Variants in UGT2B11 observed in about 807,000 individuals in gnomAD.
UGT2B11 encodes the protein UDP glucuronosyltransferase family 2 member B11, also known as UDP-glucuronosyltransferase 2B11.
UGT2B11 carries 49 observed loss-of-function variants against 51.7 expected under a neutral mutation model. The ratio of observed to expected loss-of-function variants is 0.95; its 90% CI spans 0.75 to 1.20. UGT2B11 has a LOEUF of 1.20. Ranked by LOEUF, UGT2B11 falls within the 50% of genes most tolerant of loss-of-function variation. The pLI, the probability that UGT2B11 is intolerant of heterozygous loss-of-function variation, is 0.00. For missense variants in UGT2B11, 810 were observed against 622.1 expected (o/e 1.30, Z -3.21); for synonymous variants, 273 against 209.0 (o/e 1.31, Z -2.64).
At position 69,204,460 on chromosome 4, in the gene UGT2B11, T is replaced by C; in HGVS notation, c.1280A>G (p.Asn427Ser). 2 of 1,611,994 alleles carry C rather than the reference T, an allele frequency of 1.2e-6. No individual in the cohort carries two copies. Among genetic ancestry groups the C allele is most frequent in the Non-Finnish European group, 1.7e-6 (2 of 1,178,610 alleles). Reference protein sequence around the residue: ...FNTMSSTDLLNALKTVINDPL... With the variant: ...FNTMSSTDLLSALKTVINDPL... ...ATCATTAATTACTGTCTTCAGTGCA[T>C]TCAGCAGGTCTGTACTCGACATTGT... Residue 427 changes from asparagine to serine, a missense_variant, in exon 5 of 6, where the codon AAT becomes AGT. Asn to Ser is a conservative substitution (Grantham distance 46). Coordinates refer to ENST00000446444, the MANE Select transcript of UGT2B11 (RefSeq NM_001073.3).
chr4:69,208,122 A>G lies in UGT2B11; in HGVS notation c.1002+229T>C, dbSNP rs1239800443. Among the ~76,000 whole-genome samples the G allele has an allele frequency of 5.9e-5, 9 of 151,590 alleles. 1 individual carries two copies. Among genetic ancestry groups the G allele is most frequent in the Admixed American group, 2.0e-4 (3 of 15,164 alleles). ...GAGTACTGAGTTCCCACTGATACTAATAGGAGCCACTCATGAATACCAAGG... is the reference window on the plus strand; with the variant it reads ...GAGTACTGAGTTCCCACTGATACTAGTAGGAGCCACTCATGAATACCAAGG... On this transcript the variant is annotated intron_variant, in intron 3 of 5. Transcript: ENST00000446444.
chr4:69,205,160 A>C (rs1721801840), intron 4 of UGT2B11, among the ~76,000 whole-genome samples: 1 of 151,708 alleles, frequency 6.6e-6, no homozygotes, highest in African/African-American at 2.4e-5. Flanking sequence ...GGCATTTGAA[A>C]TAATCCTGCA....
At chr4:69,216,454 G>T (rs1351438024), upstream of UGT2B11, 1 of 151,758 alleles carries the variant, frequency 6.6e-6, no homozygotes, top group Non-Finnish European at 1.5e-5. Context: ...GAATCAATGA[G>T]GATGGAAGCT....
In UGT2B11 at chr4:69,212,577, G is replaced by C; in HGVS notation, c.866C>G (p.Pro289Arg). 1 of 1,607,184 alleles carries C rather than the reference G, an allele frequency of 6.2e-7. No homozygotes were observed. The highest frequency in any genetic ancestry group is 1.1e-5 in the South Asian group (1 of 90,102). ...GFHCKPAKPL[P>R]KEMEEFVQSS... ...AACCAACAAAAGTATGTTTACCTTAGGTAGGGGTTTGGCAGGTTTGCAGTG... is the reference window on the plus strand; with the variant it reads ...AACCAACAAAAGTATGTTTACCTTACGTAGGGGTTTGGCAGGTTTGCAGTG... Residue 289 changes from proline (P) to arginine (R), a missense_variant, in exon 2 of 6, where the codon CCT (proline) becomes CGT (arginine). Coordinates refer to ENST00000446444, the MANE Select transcript of UGT2B11 (RefSeq NM_001073.3).
chr4:69,205,422 A>G, intron 4 of UGT2B11, 58 bp downstream of exon 4: 1 of 1,573,500 alleles, frequency 6.4e-7, no homozygotes, highest in Non-Finnish European at 8.7e-7. Flanking sequence ...AGCATGTTTC[A>G]TTAACCCTCT....
the UGT2B11 span, among the ~76,000 whole-genome samples, chr4:69,223,258 T>C: frequency 6.6e-6 from 1 of 152,108 alleles, no homozygotes; most frequent in East Asian, 1.9e-4. Flanking sequence ...ATTCAGGATA[T>C]ATCTTAAGGG....
Position 69,200,503 on chromosome 4 carries a change from T to C in UGT2B11, c.1527A>G (p.Thr509=), listed in dbSNP as rs142443656. The C allele has an allele frequency of 3.0e-5, 49 of 1,612,164 alleles. No individual in the cohort carries two copies. The African/African-American group carries it at 6.1e-4, about 20-fold the overall frequency. ...ACVATVIFII[T]KFCLFCFWKF... is the part of the protein sequence containing the mutation. The stretch of plus-strand genomic sequence containing the variant: ...TCCAGAAACAAAACAGACAAAACTT[T>C]GTGATGATAAATATCACAGTTGCCA... Residue 509 remains threonine, a synonymous_variant, in exon 6 of 6, where the codon ACA becomes ACG. Coordinates refer to ENST00000446444, the MANE Select transcript of UGT2B11 (RefSeq NM_001073.3).
chr4:69,223,932 A>T, the UGT2B11 span, among the ~76,000 whole-genome samples: 7 of 152,200 alleles, frequency 4.6e-5, no homozygotes, highest in Non-Finnish European at 8.8e-5. Flanking sequence ...CAAGGGGGAA[A>T]GTCTATCTGG....
At position 69,213,027 on chromosome 4, in the gene UGT2B11, C is replaced by T. The variant is rs1201146146; in HGVS notation, c.722-306G>A. ...ACATCAATTTATTTTCTCTTTAAAG[C>T]TTCAATAGTTGCATATAGATATTTA... On this transcript the variant is annotated intron_variant, in intron 1 of 5. Transcript: ENST00000446444. Among the ~76,000 whole-genome samples the T allele has an allele frequency of 2.0e-5, 3 of 151,320 alleles. No individual in the cohort carries two copies. The East Asian group carries it at 5.8e-4, about 29-fold the overall frequency.
intron 3 of UGT2B11, among the ~76,000 whole-genome samples, chr4:69,207,142 A>T (rs1460497351): frequency 1.3e-5 from 2 of 151,670 alleles, no homozygotes; most frequent in African/African-American, 4.8e-5. Context: ...TAAACTCAAA[A>T]TTGTACTTTG....
chr4:69,203,190 A>G (rs1284370393), intron 5 of UGT2B11, among the ~76,000 whole-genome samples: 1 of 151,752 alleles, frequency 6.6e-6, no homozygotes, highest in East Asian at 2.0e-4. Flanking sequence ...AAAGTTAAAA[A>G]TGTTCCAAGC....
At chr4:69,224,220 C>A in the UGT2B11 span, among the ~76,000 whole-genome samples, 6 of 152,206 alleles carry the variant, frequency 3.9e-5, no homozygotes, top group Admixed American at 3.3e-4. Flanking sequence ...GTCTGGCCGG[C>A]GGACATTAGG....
intron 3 of UGT2B11, among the ~76,000 whole-genome samples, chr4:69,208,092 C>A (rs1017266057): frequency 5.3e-5 from 8 of 151,524 alleles, no homozygotes; most frequent in East Asian, 2.0e-4. Flanking sequence ...TTGTGGATAC[C>A]TACGGAGTAC....
At chr4:69,220,881 G>T in the UGT2B11 span, among the ~76,000 whole-genome samples, 4 of 152,100 alleles carry the variant, frequency 2.6e-5, no homozygotes, top group Non-Finnish European at 4.4e-5. Context: ...CACAGTTAGA[G>T]AATTAAGCTG....
the UGT2B11 span, among the ~76,000 whole-genome samples, chr4:69,223,100 G>T: frequency 6.6e-6 from 1 of 152,180 alleles, no homozygotes; most frequent in Non-Finnish European, 1.5e-5. Context: ...TTACAGAAAA[G>T]ATCTAGTTGT....
In UGT2B11 at chr4:69,212,655, C is replaced by A. The variant is rs746812116; in HGVS notation, c.788G>T (p.Ser263Ile). Residue 263 changes from serine (S) to isoleucine (I), a missense_variant, in exon 2 of 6, where the codon AGT (serine) becomes ATT (isoleucine). By Grantham distance (142) the Ser-to-Ile change is moderately radical. Coordinates refer to ENST00000446444, the MANE Select transcript of UGT2B11 (RefSeq NM_001073.3). ...ADIWLMRNSW[S>I]FQFPHPFLPN... ...TAAGAATGGATGAGGAAATTGAAAA[C>A]TCCAGGAGTTTCGCATAAGCCATAT... The A allele has an allele frequency of 1.1e-5, 18 of 1,610,682 alleles. No homozygotes were observed. In the East Asian group the frequency reaches 3.8e-4, roughly 34 times the overall value.
At chr4:69,223,493 A>T in the UGT2B11 span, among the ~76,000 whole-genome samples, 1 of 152,112 alleles carries the variant, frequency 6.6e-6, no homozygotes, top group African/African-American at 2.4e-5. Flanking sequence ...TGACCACTAA[A>T]TGGAGCACAA....
At position 69,214,232 on chromosome 4, in the gene UGT2B11, A is replaced by C. The variant is rs1264887298; in HGVS notation, c.491T>G (p.Leu164Arg). 6.8e-6 allele frequency: 11 copies of C among 1,613,204 alleles called. No individual in the cohort carries two copies. In the African/African-American group the frequency reaches 8.0e-5, roughly 12 times the overall value. Residue 164 changes from leucine to arginine, a missense_variant, in exon 1 of 6, where the codon CTT becomes CGT. Leu to Arg is a moderately radical substitution (Grantham distance 102). Transcript: ENST00000446444. ...GAGACTGTACACAAACCGTATGTTA[A>C]GTAGCGCAGCCAGCAGCTCACCACA... Reference protein sequence around the residue: ...FPCGELLAALLNIRFVYSLRF... With the variant: ...FPCGELLAALRNIRFVYSLRF...
chr4:69,212,175 T>C (rs1017955990), intron 2 of UGT2B11, among the ~76,000 whole-genome samples: 6 of 151,682 alleles, frequency 4.0e-5, no homozygotes, highest in Non-Finnish European at 8.9e-5. Context: ...TACTTTTCTA[T>C]ATATCAAAGT....
Sources: allele counts gnomAD v4.1 joint callset (sites outside exome capture counted in the v4.1 genomes callset), GRCh38; gene constraint gnomAD v4.1.1; transcripts MANE v1.5; gene names NCBI Gene and HGNC (gene_info 2026-07-23, HGNC 2026-07-21).